ROBO2: variants seen among roughly 807,000 people sequenced by gnomAD.
ROBO2 encodes roundabout homolog 2.
ROBO2 carries 53 observed loss-of-function variants against 160.8 expected under a neutral mutation model. The observed-to-expected ratio is 0.33, with a 90% confidence interval of 0.26 to 0.41. The LOEUF is 0.41. ROBO2 is among the 10% of genes least tolerant of loss of function. The probability of loss-of-function intolerance (pLI) is 1.00; values close to 1 mark genes in which losing one functional copy is unlikely to be tolerated. For synonymous variants in ROBO2, 664 were observed against 611.7 expected, an observed-to-expected ratio of 1.09 and a Z score of -1.26; for missense variants, 1,577 against 1,722.4, an observed-to-expected ratio of 0.92 and a Z score of 1.49.
intron 2 of ROBO2, among the ~76,000 whole-genome samples, chr3:76,318,359 C>T (rs1290870221): frequency 6.6e-6 from 1 of 152,002 alleles, no homozygotes; most frequent in Non-Finnish European, 1.5e-5. Context: ...GGTTGAAAAA[C>T]ATATTAATGC....
chr3:77,101,129 CAG>C, intron 2 of ROBO2, among the ~76,000 whole-genome samples: 1 of 152,262 alleles, frequency 6.6e-6, no homozygotes. Context: ...TGATTGAAGT[CAG>C]AGAGGCATTA....
intron 4 of ROBO2, among the ~76,000 whole-genome samples, chr3:77,489,359 C>A (rs887482350): frequency 1.1e-4 from 17 of 152,166 alleles, no homozygotes; most frequent in African/African-American, 4.1e-4. Context: ...AGTTGCTAAG[C>A]AACTGGACTC....
In ROBO2 at chr3:76,441,044, G is replaced by A. The variant is rs180819959; in HGVS notation, c.109+503442G>A. ...AAAGGGTATGTGTTATATTCAATGG[G>A]CTTGATAAATATTAGATACTAGACC... On this transcript the variant is annotated intron_variant, in intron 2 of 26. Transcript: ENST00000487694. Among the ~76,000 whole-genome samples, 919 of 152,104 alleles carry A rather than the reference G, an allele frequency of 6.0e-3. 7 individuals are homozygous for A. The highest frequency in any genetic ancestry group is 0.021 in the African/African-American group (858 of 41,516).
intron 2 of ROBO2, among the ~76,000 whole-genome samples, chr3:76,595,936 A>C (rs2086707317): frequency 6.6e-6 from 1 of 152,124 alleles, no homozygotes; most frequent in East Asian, 1.9e-4. Context: ...TATTTAATAC[A>C]TCAGACCACA....
At chr3:76,024,941 A>ATATATATATATTATATATATGTGTG (rs1444767022) in intron 2 of ROBO2, among the ~76,000 whole-genome samples, 29 of 150,074 alleles carry the variant, frequency 1.9e-4, no homozygotes, top group Admixed American at 2.7e-4. Flanking sequence ...GTGTGCGTAT[A>ATATATATATATTATATATATGTGTG]TATATATATA....
intron 6 of ROBO2, among the ~76,000 whole-genome samples, chr3:77,532,246 G>T (rs1181600051): frequency 2.0e-5 from 3 of 151,312 alleles, no homozygotes; most frequent in African/African-American, 7.3e-5. Context: ...TGGTAAAAAT[G>T]TCCTATTGTC....
intron 2 of ROBO2, among the ~76,000 whole-genome samples, chr3:76,182,468 A>G (rs986175127): frequency 2.6e-5 from 4 of 152,142 alleles, no homozygotes; most frequent in African/African-American, 9.7e-5. Context: ...AGTAGGCTCA[A>G]TTCAGGATTA....
chr3:76,848,257 G>T (rs2068967946), intron 2 of ROBO2, among the ~76,000 whole-genome samples: 1 of 152,166 alleles, frequency 6.6e-6, no homozygotes, highest in South Asian at 2.1e-4. Flanking sequence ...TGAGTTCTGG[G>T]ATGTCTCATA....
At chr3:77,099,721 AT>A (rs528215525) in intron 2 of ROBO2, among the ~76,000 whole-genome samples, 38 of 152,056 alleles carry the variant, frequency 2.5e-4, no homozygotes, top group African/African-American at 7.5e-4. Context: ...AATTTTATTG[AT>A]TTTTTTCCCC....
chr3:76,776,360 CT>C (rs1486995560), intron 2 of ROBO2, among the ~76,000 whole-genome samples: 1 of 150,790 alleles, frequency 6.6e-6, no homozygotes, highest in Non-Finnish European at 1.5e-5. Flanking sequence ...TTTTAAATTT[CT>C]TAAATGGGAA....
At chr3:76,005,613 C>T (rs951324621) in intron 2 of ROBO2, among the ~76,000 whole-genome samples, 3 of 152,186 alleles carry the variant, frequency 2.0e-5, no homozygotes, top group African/African-American at 7.2e-5. Context: ...AGAATCTGTG[C>T]ACACTTTTGA....
intron 2 of ROBO2, among the ~76,000 whole-genome samples, chr3:76,035,885 C>T (rs1236381424): frequency 2.6e-5 from 4 of 151,992 alleles, no homozygotes; most frequent in Admixed American, 2.6e-4. Flanking sequence ...CTCCTTCACC[C>T]TCTAAAACAG....
At position 77,509,012 on chromosome 3, in the gene ROBO2, T is replaced by C. The variant is rs2088996234; in HGVS notation, c.807-13763T>C. Among the ~76,000 whole-genome samples, 2 of 151,964 alleles carry C rather than the reference T, an allele frequency of 1.3e-5. 1 individual carries two copies. The highest frequency in any genetic ancestry group is 4.8e-5 in the African/African-American group (2 of 41,470). On this transcript the variant is annotated intron_variant, in intron 5 of 25. Transcript: ENST00000461745. ...AAGAGCAAACAGGTTTATTAATGAG[T>C]GTAGTGTATGTCAAAATGAGAGAGG...
At chr3:77,632,711 CT>C in intron 23 of ROBO2, 1 of 1,445,172 alleles carries the variant, frequency 6.9e-7, no homozygotes, top group South Asian at 1.3e-5. Context: ...TCCTTGGACA[CT>C]GTCCTCTTTT....
intron 2 of ROBO2, among the ~76,000 whole-genome samples, chr3:76,290,888 C>T (rs996609438): frequency 2.0e-5 from 3 of 152,104 alleles, no homozygotes; most frequent in African/African-American, 7.2e-5. Context: ...GTGGCTTTAG[C>T]TTTTTCATGT....
At chr3:77,485,416 T>C (rs1407192329) in intron 4 of ROBO2, among the ~76,000 whole-genome samples, 1 of 152,128 alleles carries the variant, frequency 6.6e-6, no homozygotes, top group African/African-American at 2.4e-5. Context: ...CCTGTATCTT[T>C]GTATGTGATC....
At chr3:76,185,695 A>G (rs1177819507) in intron 2 of ROBO2, among the ~76,000 whole-genome samples, 1 of 152,102 alleles carries the variant, frequency 6.6e-6, no homozygotes, top group Non-Finnish European at 1.5e-5. Flanking sequence ...TATAATGCAC[A>G]ATTTTAAAAA....
intron 2 of ROBO2, among the ~76,000 whole-genome samples, chr3:76,009,517 T>G (rs983413509): frequency 2.0e-5 from 3 of 152,184 alleles, no homozygotes; most frequent in African/African-American, 7.2e-5. Context: ...GGGTAGCATG[T>G]TCTGAACCCA....
chr3:76,366,571 C>G (rs539756751), intron 2 of ROBO2, among the ~76,000 whole-genome samples: 1 of 152,094 alleles, frequency 6.6e-6, no homozygotes, highest in African/African-American at 2.4e-5. Context: ...ACTAGCCTTC[C>G]TCTTCTAGTA....
Sources: gnomAD v4.1 joint callset for allele counts (sites outside exome capture counted in the v4.1 genomes callset) on GRCh38, gnomAD v4.1.1 for gene constraint, MANE v1.5 for transcripts, NCBI Gene and HGNC (gene_info 2026-07-23, HGNC 2026-07-21) for gene names.